The following MPHOSPH8 variants were observed in gnomAD, a reference collection of about 807,000 sequenced individuals.
MPHOSPH8 encodes the protein M-phase phosphoprotein 8.
A neutral mutation model predicts 87.3 loss-of-function variants in MPHOSPH8; 45 were observed. The ratio of observed to expected loss-of-function variants is 0.52; its 90% CI spans 0.41 to 0.66. The LOEUF is 0.66. Ranked by LOEUF, MPHOSPH8 falls within the 30% of genes least tolerant of loss-of-function variation. MPHOSPH8 has a pLI of 0.00. For missense variants in MPHOSPH8, 883 were observed against 1,020.2 expected, an observed-to-expected ratio of 0.87 and a Z score of 1.83; for synonymous variants, 366 against 376.9, an observed-to-expected ratio of 0.97 and a Z score of 0.33.
In MPHOSPH8 at chr13:19,661,750, A is replaced by T. The variant is rs1875539404; in HGVS notation, c.1844A>T (p.Asp615Val). 7 of 1,612,098 alleles carry T rather than the reference A, an allele frequency of 4.3e-6. No homozygotes were observed. The highest frequency in any genetic ancestry group is 5.9e-6 in the Non-Finnish European group (7 of 1,178,968). ...VMLAAAGGQD[D>V]LLRLLITKGA... is the part of the protein sequence containing the mutation. ...CTTGCCGCCGCCGGAGGGCAGGACG[A>T]CCTCCTGCGACTCCTCATCACAAAA... The change falls in exon 8 of 14, where the codon GAC (aspartate) becomes GTC (valine). Residue 615 changes from aspartate (D) to valine (V), a missense_variant. By Grantham distance (152) the Asp-to-Val change is radical. This residue lies in a region of MPHOSPH8 where 741 missense variants were observed against 841.5 expected (regional missense o/e 0.88). Transcript: ENST00000361479.
At chr13:19,668,580 T>C (rs1384482059) in intron 11 of MPHOSPH8, 49 bp downstream of exon 11, 4 of 1,527,236 alleles carry the variant, frequency 2.6e-6, no homozygotes, top group South Asian at 2.4e-5. Context: ...TGTGACACTA[T>C]ATTAACAGAT....
chr13:19,655,371 GAC>G (rs1875100407), intron 5 of MPHOSPH8, among the ~76,000 whole-genome samples: 2 of 152,142 alleles, frequency 1.3e-5, no homozygotes, highest in Admixed American at 1.3e-4. Context: ...GGATGGCTGA[GAC>G]AGGAGGACCA....
chr13:19,654,886 TTCAG>T (rs1328085759), intron 5 of MPHOSPH8, among the ~76,000 whole-genome samples: 1 of 152,064 alleles, frequency 6.6e-6, no homozygotes, highest in African/African-American at 2.4e-5. Flanking sequence ...AGGCAGAGGT[TTCAG>T]TGAGCTGAGA....
intron 1 of MPHOSPH8, among the ~76,000 whole-genome samples, chr13:19,640,250 T>G (rs1289100474): frequency 6.6e-6 from 1 of 152,216 alleles, no homozygotes; most frequent in Non-Finnish European, 1.5e-5. Flanking sequence ...TACTACCTAG[T>G]TCATGGGGAT....
At chr13:19,663,587 G>A (rs9508807) in intron 9 of MPHOSPH8, among the ~76,000 whole-genome samples, 102,743 of 152,146 alleles carry the variant, frequency 0.68, 37,820 homozygotes, top group East Asian at 0.89. Context: ...TTGTTGCCTC[G>A]GGCTTGTTCC....
At chr13:19,666,803 T>C (rs895994778) in intron 10 of MPHOSPH8, among the ~76,000 whole-genome samples, 1 of 152,250 alleles carries the variant, frequency 6.6e-6, no homozygotes, top group Non-Finnish European at 1.5e-5. Context: ...CACTGGCCTA[T>C]CTGGGAGTAT....
chr13:19,658,852 A>C (rs1875350388), intron 5 of MPHOSPH8, 143 bp from the exon 6 acceptor site: 1 of 990,946 alleles, frequency 1.0e-6, no homozygotes, highest in Admixed American at 2.7e-5. Context: ...GGATTTTATC[A>C]ATTAAAAGAC....
intron 9 of MPHOSPH8, among the ~76,000 whole-genome samples, chr13:19,664,129 C>T (rs1875694742): frequency 6.6e-6 from 1 of 152,138 alleles, no homozygotes; most frequent in African/African-American, 2.4e-5. Context: ...CAGGTGCGAG[C>T]CACCACACCC....
Position 19,671,934 on chromosome 13 carries a change from A to G in MPHOSPH8, c.*59A>G. On this transcript the variant is annotated 3_prime_UTR_variant, in exon 14 of 14. Coordinates refer to ENST00000361479, the MANE Select transcript of MPHOSPH8 (RefSeq NM_017520.4). Reference sequence around the variant, plus strand: ...GACCGATTCCTATACTCTCTTTGACAGCAGTTTGGAATTCTTCTAGCACAT... The same window carrying G: ...GACCGATTCCTATACTCTCTTTGACGGCAGTTTGGAATTCTTCTAGCACAT... 1 of 1,546,510 alleles carries G rather than the reference A, an allele frequency of 6.5e-7. No individual in the cohort carries two copies. Among genetic ancestry groups the G allele is most frequent in the Non-Finnish European group, 8.9e-7 (1 of 1,120,454 alleles).
At chr13:19,634,528 G>A (rs769495977) in intron 1 of MPHOSPH8, among the ~76,000 whole-genome samples, 5 of 152,126 alleles carry the variant, frequency 3.3e-5, no homozygotes, top group African/African-American at 1.2e-4. Flanking sequence ...ATCACACCAT[G>A]CCTTGGTGTT....
chr13:19,659,389 C>T (rs1050353006), intron 7 of MPHOSPH8, 100 bp downstream of exon 7: 16 of 975,616 alleles, frequency 1.6e-5, no homozygotes, highest in Admixed American at 1.4e-4. Flanking sequence ...AAAGGCTGGG[C>T]GTGGTGGTGC....
intron 10 of MPHOSPH8, among the ~76,000 whole-genome samples, 165 bp from the exon 11 acceptor site, chr13:19,668,212 A>AC (rs1875921973): frequency 6.6e-6 from 1 of 152,236 alleles, no homozygotes; most frequent in Admixed American, 6.5e-5. Context: ...AACAAGACAG[A>AC]CACATGGGTG....
chr13:19,655,793 G>T (rs1485021522), intron 5 of MPHOSPH8, among the ~76,000 whole-genome samples: 1 of 152,162 alleles, frequency 6.6e-6, no homozygotes, highest in Non-Finnish European at 1.5e-5. Flanking sequence ...AAATAAAAAA[G>T]CCATAGGCAT....
intron 9 of MPHOSPH8, 84 bp from the exon 10 acceptor site, chr13:19,666,341 C>A: frequency 7.2e-7 from 1 of 1,380,542 alleles, no homozygotes; most frequent in African/African-American, 1.4e-5. Flanking sequence ...CTTCACAGAA[C>A]CGCTAAGCAT....
intron 1 of MPHOSPH8, among the ~76,000 whole-genome samples, chr13:19,639,961 C>T (rs1409185668): frequency 1.3e-5 from 2 of 152,144 alleles, no homozygotes; most frequent in African/African-American, 2.4e-5. Flanking sequence ...CAAAACTCAG[C>T]TGAGCATGGT....
In MPHOSPH8 at chr13:19,648,452, G is replaced by A; in HGVS notation, c.1249G>A (p.Glu417Lys). ...DKETKRNESK[E>K]KYQKRHDSDK... ...AGAAACCAAAAGAAATGAATCCAAAGAAAAATATCAGAAAAGGCATGATTC... is the reference window on the plus strand; with the variant it reads ...AGAAACCAAAAGAAATGAATCCAAAAAAAAATATCAGAAAAGGCATGATTC... The change falls in exon 4 of 14, where the codon GAA becomes AAA. Residue 417 changes from glutamate (E) to lysine (K), a missense_variant. By Grantham distance (56) the Glu-to-Lys change is moderately conservative. This residue lies in a region of MPHOSPH8 where 741 missense variants were observed against 841.5 expected (regional missense o/e 0.88). Transcript: ENST00000361479. 1 of 1,590,568 alleles carries A rather than the reference G, an allele frequency of 6.3e-7. No homozygotes were observed.
chr13:19,662,940 C>A (rs1179164985), intron 8 of MPHOSPH8, 100 bp from the exon 9 acceptor site: 3 of 1,004,258 alleles, frequency 3.0e-6, no homozygotes. Flanking sequence ...GTGATAGAAC[C>A]TGCTGGGTAT....
chr13:19,651,922 A>G (rs1593477556), intron 5 of MPHOSPH8, among the ~76,000 whole-genome samples: 1 of 151,022 alleles, frequency 6.6e-6, no homozygotes, highest in Non-Finnish European at 1.5e-5. Flanking sequence ...ACATGCTGAA[A>G]CCCTGTCTCT....
intron 5 of MPHOSPH8, among the ~76,000 whole-genome samples, chr13:19,655,417 A>T (rs1241454629): frequency 6.6e-6 from 1 of 152,218 alleles, no homozygotes; most frequent in East Asian, 1.9e-4. Flanking sequence ...GCAGTGAGCC[A>T]TGATAACACC....
Sources: allele counts gnomAD v4.1 joint callset (sites outside exome capture counted in the v4.1 genomes callset), GRCh38; gene constraint gnomAD v4.1.1; regional missense constraint gnomAD v4.1.1; transcripts MANE v1.5; gene names NCBI Gene and HGNC (gene_info 2026-07-23, HGNC 2026-07-21).